The following EMP2 variants were observed in gnomAD, a reference collection of about 807,000 sequenced individuals.
The protein encoded by EMP2 is epithelial membrane protein 2.
Under a neutral mutation model 13.7 loss-of-function variants are expected in EMP2, and 19 were observed. That is an observed-to-expected ratio of 1.38 (90% CI 0.97 to 2.03). The LOEUF (loss-of-function observed/expected upper bound fraction) is 2.03, where lower values mean the gene tolerates loss of function less well. EMP2 is among the 30% of genes most tolerant of loss of function. The pLI, the probability that EMP2 is intolerant of heterozygous loss-of-function variation, is 0.00. For synonymous variants in EMP2, 97 were observed against 84.7 expected, an observed-to-expected ratio of 1.15 and a Z score of -0.80; for missense variants, 253 against 220.7, an observed-to-expected ratio of 1.15 and a Z score of -0.93.
At position 10,547,634 on chromosome 16, in the gene EMP2, G is replaced by T. The variant is rs373424928; in HGVS notation, c.-17C>A. 6 of 1,613,794 alleles carry T rather than the reference G, an allele frequency of 3.7e-6. No individual in the cohort carries two copies. Among genetic ancestry groups the T allele is most frequent in the Non-Finnish European group, 5.1e-6 (6 of 1,179,782 alleles). On this transcript the variant is annotated 5_prime_UTR_variant, in exon 2 of 5. Transcript: ENST00000359543. ...CACCAACATTTTCACAGGGCAGGGCGAGTCGAGGCGAGGGGTCACGTTTAA... is the reference window on the plus strand; with the variant it reads ...CACCAACATTTTCACAGGGCAGGGCTAGTCGAGGCGAGGGGTCACGTTTAA...
At chr16:10,556,117 A>G (rs981824690) in intron 1 of EMP2, among the ~76,000 whole-genome samples, 1 of 152,216 alleles carries the variant, frequency 6.6e-6, no homozygotes, top group Non-Finnish European at 1.5e-5. Flanking sequence ...CTATATAAAT[A>G]TTGTACTCTA....
chr16:10,541,744 T>G (rs1881332444), intron 3 of EMP2, among the ~76,000 whole-genome samples: 1 of 152,110 alleles, frequency 6.6e-6, no homozygotes, highest in Non-Finnish European at 1.5e-5. Context: ...GCTTTAGAGC[T>G]GGTCACACCT....
intron 2 of EMP2, chr16:10,547,177 T>C (rs2050746270): frequency 5.7e-6 from 1 of 176,074 alleles, no homozygotes; most frequent in South Asian, 1.6e-4. Context: ...TGTATTCCCA[T>C]AATTCCCACA....
chr16:10,540,979 T>G (rs1023800290), intron 3 of EMP2, among the ~76,000 whole-genome samples: 3 of 151,712 alleles, frequency 2.0e-5, no homozygotes, highest in Admixed American at 1.3e-4. Flanking sequence ...TCCCAGCTAC[T>G]GGGGAGGCTG....
chr16:10,563,184 T>TTTATTA (rs150005955), intron 1 of EMP2, among the ~76,000 whole-genome samples: 12 of 151,090 alleles, frequency 7.9e-5, no homozygotes, highest in East Asian at 1.9e-4. Context: ...GCATTTCCTC[T>TTTATTA]TTATTATTAT....
chr16:10,556,707 G>C (rs1182227409), intron 1 of EMP2, among the ~76,000 whole-genome samples: 1 of 152,216 alleles, frequency 6.6e-6, no homozygotes, highest in Non-Finnish European at 1.5e-5. Context: ...TCAATCTTAT[G>C]ATGCTGGCAG....
At chr16:10,555,282 T>C (rs1236024289) in intron 1 of EMP2, among the ~76,000 whole-genome samples, 1 of 152,188 alleles carries the variant, frequency 6.6e-6, no homozygotes, top group Admixed American at 6.5e-5. Context: ...CTTTGAAGCA[T>C]AACTTTCGCT....
chr16:10,560,753 G>A (rs934474127), intron 1 of EMP2, among the ~76,000 whole-genome samples: 2 of 152,186 alleles, frequency 1.3e-5, no homozygotes, highest in Admixed American at 1.3e-4. Flanking sequence ...GGTCTCTAAG[G>A]ATGGGCGGAG....
intron 1 of EMP2, among the ~76,000 whole-genome samples, chr16:10,558,478 AGTGTGTGT>A (rs61441812): frequency 0.47 from 70,407 of 149,858 alleles, 17,603 homozygotes; most frequent in African/African-American, 0.66. Context: ...GTTTGCTTAA[AGTGTGTGT>A]GTGTGTGTGT....
intron 3 of EMP2, among the ~76,000 whole-genome samples, 153 bp downstream of exon 3, chr16:10,543,417 C>T (rs781070721): frequency 2.6e-5 from 4 of 152,256 alleles, no homozygotes; most frequent in Admixed American, 1.3e-4. Context: ...TGCTGTCCTC[C>T]GCTCCAGCAC....
At chr16:10,539,403 C>A (rs997120658) in intron 3 of EMP2, among the ~76,000 whole-genome samples, 1 of 152,140 alleles carries the variant, frequency 6.6e-6, no homozygotes, top group African/African-American at 2.4e-5. Context: ...AGCCTTTCCC[C>A]CAATTCCTTA....
rs2050616918 is a variant in EMP2, at chr16:10,532,785, T to TTTTTTTTG, written c.*119_*120insCAAAAAAA. The TTTTTTTTG allele has an allele frequency of 2.7e-6, 1 of 376,770 alleles. No homozygotes were observed. Among genetic ancestry groups the TTTTTTTTG allele is most frequent in the African/African-American group, 2.5e-5 (1 of 39,512 alleles). The allele number at this position is 376,770 out of a possible 1,614,324, so 23.3% of individuals were successfully genotyped here. On this transcript the variant is annotated 3_prime_UTR_variant, in exon 5 of 5. Coordinates refer to ENST00000359543, the MANE Select transcript of EMP2 (RefSeq NM_001424.6). ...TTTTTTTTTTTTTTTTTTTTTTTTT[T>TTTTTTTTG]TGGCTTTTAAAGGAAACAATACGTT...
chr16:10,536,470 T>C (rs2050648009), intron 4 of EMP2, among the ~76,000 whole-genome samples: 1 of 152,088 alleles, frequency 6.6e-6, no homozygotes, highest in African/African-American at 2.4e-5. Context: ...TCACAAGATA[T>C]GATGGTTTTA....
chr16:10,542,411 C>A (rs1226476002), intron 3 of EMP2, among the ~76,000 whole-genome samples: 1 of 148,542 alleles, frequency 6.7e-6, no homozygotes, highest in Admixed American at 6.9e-5. Context: ...AACAAACAAA[C>A]AAACAAACAA....
chr16:10,546,996 C>T lies in EMP2; in HGVS notation c.78+544G>A, dbSNP rs189520546. ...AACCTGAACATGGGACGGCCTGAACCTTCACATTTAGGCCAAGAGTCCTCA... is the reference window on the plus strand; with the variant it reads ...AACCTGAACATGGGACGGCCTGAACTTTCACATTTAGGCCAAGAGTCCTCA... On this transcript the variant is annotated intron_variant, in intron 2 of 4. Coordinates refer to ENST00000359543, the MANE Select transcript of EMP2 (RefSeq NM_001424.6). The T allele has an allele frequency of 6.6e-3, 943 of 142,472 alleles. 3 individuals carry two copies. Among genetic ancestry groups the T allele is most frequent in the Non-Finnish European group, 9.7e-3 (592 of 61,274 alleles). 8.8% of individuals were successfully genotyped at this position (142,472 alleles called of 1,614,324 possible).
chr16:10,560,495 C>T (rs562371851), intron 1 of EMP2, among the ~76,000 whole-genome samples: 34 of 152,318 alleles, frequency 2.2e-4, no homozygotes, highest in Admixed American at 1.4e-3. Context: ...CCCAGGCTTC[C>T]GATCACTGTC....
intron 3 of EMP2, among the ~76,000 whole-genome samples, chr16:10,539,570 G>C (rs750718442): frequency 1.1e-4 from 16 of 152,148 alleles, no homozygotes; most frequent in Admixed American, 3.9e-4. Context: ...GTGTGGAAGG[G>C]GGCCCGAGGA....
intron 3 of EMP2, among the ~76,000 whole-genome samples, chr16:10,541,781 G>A (rs1393657675): frequency 1.3e-5 from 2 of 152,114 alleles, no homozygotes; most frequent in Non-Finnish European, 2.9e-5. Flanking sequence ...GCCATCATTC[G>A]CTCCTGGCTA....
intron 1 of EMP2, chr16:10,576,808 C>T (rs925785953): frequency 9.9e-5 from 15 of 152,208 alleles, no homozygotes; most frequent in Admixed American, 9.8e-4. Flanking sequence ...TGTCTCTGCA[C>T]GGGAAGGAGG....
Sources: gnomAD v4.1 joint callset for allele counts (sites outside exome capture counted in the v4.1 genomes callset) on GRCh38, gnomAD v4.1.1 for gene constraint, MANE v1.5 for transcripts, NCBI Gene and HGNC (gene_info 2026-07-23, HGNC 2026-07-21) for gene names.